Variants in AFG2A observed in about 807,000 individuals in gnomAD.
The protein encoded by AFG2A is AAA ATPase AFG2A.
the AFG2A span, among the ~76,000 whole-genome samples, chr4:123,196,166 A>AT: frequency 2.6e-5 from 1 of 38,598 alleles, no homozygotes; most frequent in African/African-American, 6.5e-5. Context: ...ATGCCCAGCT[A>AT]ATTTTTTTTT....
At chr4:123,244,264 C>T in the AFG2A span, among the ~76,000 whole-genome samples, 2 of 152,072 alleles carry the variant, frequency 1.3e-5, no homozygotes, top group African/African-American at 4.8e-5. Flanking sequence ...CCCTGCTGCA[C>T]TCTGGTGGGA....
chr4:123,140,307 G>A, the AFG2A span, among the ~76,000 whole-genome samples: 4 of 152,022 alleles, frequency 2.6e-5, no homozygotes, highest in South Asian at 4.1e-4. Context: ...GGGAGTGCTA[G>A]ATGTACATAG....
the AFG2A span, among the ~76,000 whole-genome samples, chr4:122,933,148 A>G: frequency 7.2e-5 from 11 of 152,298 alleles, no homozygotes; most frequent in Non-Finnish European, 1.0e-4. Flanking sequence ...TTCTTATTCT[A>G]TTAACAAAGT....
the AFG2A span, among the ~76,000 whole-genome samples, chr4:123,273,963 T>C: frequency 6.6e-6 from 1 of 152,182 alleles, no homozygotes; most frequent in South Asian, 2.1e-4. Flanking sequence ...ACTGGTTAGC[T>C]AAGGACCTGT....
At chr4:123,186,007 G>A in the AFG2A span, among the ~76,000 whole-genome samples, 2 of 152,128 alleles carry the variant, frequency 1.3e-5, no homozygotes, top group East Asian at 3.9e-4. Flanking sequence ...GGATATTTAC[G>A]GACTATATCA....
the AFG2A span, chr4:123,056,323 A>G: frequency 1.4e-6 from 2 of 1,479,228 alleles, no homozygotes; most frequent in East Asian, 2.4e-5. Context: ...TTTCTACTTC[A>G]TTGGAAGAAA....
chr4:123,308,760 G>T, the AFG2A span, among the ~76,000 whole-genome samples: 1 of 152,208 alleles, frequency 6.6e-6, no homozygotes, highest in African/African-American at 2.4e-5. Flanking sequence ...ATCTGGGGAA[G>T]ATGAACATAG....
chr4:123,161,099 A>G, the AFG2A span, among the ~76,000 whole-genome samples: 7 of 152,272 alleles, frequency 4.6e-5, no homozygotes, highest in East Asian at 1.2e-3. Context: ...TACACTCCTT[A>G]AGGATAAAAG....
At chr4:123,085,979 A>G in the AFG2A span, among the ~76,000 whole-genome samples, 2 of 152,044 alleles carry the variant, frequency 1.3e-5, no homozygotes, top group Non-Finnish European at 2.9e-5. Flanking sequence ...AAAAATTCCT[A>G]AGTTATCCTT....
chr4:123,028,920 CT>C, the AFG2A span, among the ~76,000 whole-genome samples: 1 of 152,182 alleles, frequency 6.6e-6, no homozygotes, highest in Non-Finnish European at 1.5e-5. Context: ...GATAGATAAT[CT>C]TTCATGATAT....
the AFG2A span, among the ~76,000 whole-genome samples, chr4:122,973,868 A>G: frequency 6.6e-6 from 1 of 152,086 alleles, no homozygotes; most frequent in African/African-American, 2.4e-5. Context: ...TTTAGAGATG[A>G]AGACACACAG....
At chr4:122,986,794 G>A in the AFG2A span, among the ~76,000 whole-genome samples, 1 of 152,118 alleles carries the variant, frequency 6.6e-6, no homozygotes, top group African/African-American at 2.4e-5. Flanking sequence ...CGTGTATTCT[G>A]CGGCCATTGG....
chr4:123,046,125 A>G, the AFG2A span, among the ~76,000 whole-genome samples: 1 of 152,028 alleles, frequency 6.6e-6, no homozygotes, highest in Non-Finnish European at 1.5e-5. Flanking sequence ...AAGAAAAAGA[A>G]ATAAATACCC....
chr4:123,136,444 G>A, the AFG2A span, among the ~76,000 whole-genome samples: 5 of 151,894 alleles, frequency 3.3e-5, no homozygotes, highest in East Asian at 1.9e-4. Context: ...CTAGACGGGC[G>A]GATCACGAGG....
chr4:122,989,544 A>G, the AFG2A span, among the ~76,000 whole-genome samples: 1 of 152,100 alleles, frequency 6.6e-6, no homozygotes, highest in African/African-American at 2.4e-5. Context: ...ATTCAGGACC[A>G]TAGTGGTGGG....
the AFG2A span, among the ~76,000 whole-genome samples, chr4:122,940,574 C>T: frequency 6.6e-6 from 1 of 152,154 alleles, no homozygotes; most frequent in Non-Finnish European, 1.5e-5. Context: ...TTCTCCCATT[C>T]TGTAGCTTCC....
the AFG2A span, among the ~76,000 whole-genome samples, chr4:123,183,969 C>T: frequency 0.091 from 13,705 of 151,064 alleles, 1,770 homozygotes; most frequent in African/African-American, 0.29. Context: ...TTCATTCATT[C>T]ATTTATGGTA....
the AFG2A span, among the ~76,000 whole-genome samples, chr4:123,026,746 A>G: frequency 6.6e-6 from 1 of 152,224 alleles, no homozygotes; most frequent in Non-Finnish European, 1.5e-5. Context: ...GGGTCTATAC[A>G]TACTTGTAAA....
chr4:123,302,984 G>T, the AFG2A span, among the ~76,000 whole-genome samples: 33 of 152,242 alleles, frequency 2.2e-4, no homozygotes, highest in Middle Eastern at 3.4e-3. Flanking sequence ...GATCAATAAA[G>T]ATTTCTTGAA....
Sources: gnomAD v4.1 joint callset for allele counts (sites outside exome capture counted in the v4.1 genomes callset) on GRCh38, gnomAD v4.1.1 for gene constraint, MANE v1.5 for transcripts, NCBI Gene and HGNC (gene_info 2026-07-23, HGNC 2026-07-21) for gene names.